Variants in SPEF2 observed in about 807,000 individuals in gnomAD.
SPEF2 encodes sperm flagella and cilia-associated protein 2.
A neutral mutation model predicts 224.6 loss-of-function variants in SPEF2; 187 were observed. The observed-to-expected ratio is 0.83, with a 90% CI of 0.74 to 0.94. The LOEUF is 0.94. Ranked by LOEUF, SPEF2 falls within the 40% of genes least tolerant of loss-of-function variation. The pLI is 0.00. For synonymous variants in SPEF2, 715 were observed against 707.3 expected, an observed-to-expected ratio of 1.01 and a Z score of -0.17; for missense variants, 2,170 against 2,135.6, an observed-to-expected ratio of 1.02 and a Z score of -0.32.
In SPEF2 at chr5:35,777,721, G is replaced by A. The variant is rs572713332; in HGVS notation, c.4217+1326G>A. On this transcript the variant is annotated intron_variant, in intron 29 of 36. Coordinates refer to ENST00000356031, the MANE Select transcript of SPEF2 (RefSeq NM_024867.4). ...TAAATAAATAAATAAATAGCTGGCAGATCCCTTTGACCTTCAAATCCTGTT... is the reference window on the plus strand; with the variant it reads ...TAAATAAATAAATAAATAGCTGGCAAATCCCTTTGACCTTCAAATCCTGTT... 2.8e-5 allele frequency among the ~76,000 whole-genome samples: 4 copies of A among 144,208 alleles called. No individual in the cohort carries two copies. In the East Asian group the frequency reaches 8.5e-4, roughly 31 times the overall value. 94.6% of individuals were successfully genotyped at this position (144,208 alleles called of 152,430 possible).
At chr5:35,714,433 C>T (rs7727052) in intron 20 of SPEF2, among the ~76,000 whole-genome samples, 113,777 of 151,338 alleles carry the variant, frequency 0.75, 43,124 homozygotes, top group Middle Eastern at 0.83. Context: ...GTCCCTTTTA[C>T]GGTATTTGGA....
rs574706532 is a variant in SPEF2, at chr5:35,768,800, T to G, written c.3802-2809T>G. 2.0e-5 allele frequency among the ~76,000 whole-genome samples: 3 copies of G among 152,250 alleles called. No individual in the cohort carries two copies. The South Asian group carries it at 6.2e-4, about 32-fold the overall frequency. On this transcript the variant is annotated intron_variant, in intron 26 of 36. Transcript: ENST00000356031. ...AACTTTGAATTTCTAATGAAACAGG[T>G]GTGATTCACTAAATTGTTGTGGGGC...
intron 6 of SPEF2, among the ~76,000 whole-genome samples, chr5:35,651,964 G>A (rs921074038): frequency 6.6e-6 from 1 of 152,068 alleles, no homozygotes; most frequent in Non-Finnish European, 1.5e-5. Flanking sequence ...CTTTAGCTGG[G>A]GTTATTGGCT....
Position 35,806,970 on chromosome 5 carries a change from G to GA in SPEF2, c.5256+24dup, listed in dbSNP as rs780058129. On this transcript the variant is annotated intron_variant, in intron 35 of 36. Coordinates refer to ENST00000356031, the MANE Select transcript of SPEF2 (RefSeq NM_024867.4). The stretch of plus-strand genomic sequence containing the variant: ...ATGCAGAGGTTGGTTAAATTATTTT[G>GA]AAAAAAGTTGGCCTCAATTCTGAGC... 20 of 1,580,476 alleles carry GA rather than the reference G, an allele frequency of 1.3e-5. No individual in the cohort carries two copies. The highest frequency in any genetic ancestry group is 1.7e-5 in the Non-Finnish European group (20 of 1,166,718).
chr5:35,738,238 T>G (rs939281368), intron 21 of SPEF2, among the ~76,000 whole-genome samples: 2 of 152,162 alleles, frequency 1.3e-5, no homozygotes, highest in African/African-American at 4.8e-5. Context: ...ATTGTCAATT[T>G]TGGCTTTTGT....
At position 35,793,109 on chromosome 5, in the gene SPEF2, C is replaced by T. The variant is rs769389613; in HGVS notation, c.4555-50C>T. The stretch of plus-strand genomic sequence containing the variant: ...ATGAAAATATGAGCAAGTAGAGCAT[C>T]AAGATAGATTCATGTAGATATTCCA... On this transcript the variant is annotated intron_variant, in intron 31 of 36. Transcript: ENST00000356031. The T allele has an allele frequency of 3.3e-6, 5 of 1,527,608 alleles. No individual in the cohort carries two copies. In the Admixed American group the frequency reaches 5.4e-5, roughly 16 times the overall value. 94.6% of individuals were successfully genotyped at this position (1,527,608 alleles called of 1,614,324 possible). A position where few individuals can be genotyped will look rare whatever the true frequency, so the allele number is the denominator to read the frequency against.
At chr5:35,771,055 G>A (rs1446036400) in intron 26 of SPEF2, among the ~76,000 whole-genome samples, 1 of 152,070 alleles carries the variant, frequency 6.6e-6, no homozygotes, top group Non-Finnish European at 1.5e-5. Flanking sequence ...ATTGGCTGTT[G>A]CCGAGGGTGA....
chr5:35,736,752 G>A (rs892772169), intron 21 of SPEF2, among the ~76,000 whole-genome samples: 5 of 152,178 alleles, frequency 3.3e-5, no homozygotes, highest in African/African-American at 9.7e-5. Flanking sequence ...TTGATGAGGG[G>A]AATGAGCAGG....
chr5:35,709,127 T>C lies in SPEF2; in HGVS notation c.2839+6T>C. 6.2e-7 allele frequency: 1 copy of C among 1,607,978 alleles called. No homozygotes were observed. Among genetic ancestry groups the C allele is most frequent in the Non-Finnish European group, 8.5e-7 (1 of 1,178,782 alleles). On this transcript the variant is annotated splice_donor_region_variant and intron_variant, in intron 19 of 36. Transcript: ENST00000356031. Reference sequence around the variant, plus strand: ...AAAAGGAAAACCTCAATCAGGTGATTGACAGAATGATTTATAATCCTGTTT... The same window carrying C: ...AAAAGGAAAACCTCAATCAGGTGATCGACAGAATGATTTATAATCCTGTTT...
chr5:35,768,061 A>T (rs1380990903), intron 26 of SPEF2, among the ~76,000 whole-genome samples: 1 of 151,468 alleles, frequency 6.6e-6, no homozygotes, highest in Admixed American at 6.6e-5. Flanking sequence ...TTGTTTTGTA[A>T]TCTGTATTTT....
chr5:35,636,912 G>T (rs2031125316), intron 2 of SPEF2, among the ~76,000 whole-genome samples: 1 of 150,678 alleles, frequency 6.6e-6, no homozygotes, highest in South Asian at 2.1e-4. Context: ...GGAGATGGAG[G>T]TTGCAATGAG....
At chr5:35,774,947 G>C (rs545372930) in intron 28 of SPEF2, among the ~76,000 whole-genome samples, 2 of 152,228 alleles carry the variant, frequency 1.3e-5, no homozygotes, top group East Asian at 3.9e-4. Context: ...GATTTCAGTG[G>C]TTTTCAGTAT....
chr5:35,748,430 A>G (rs1303020245), intron 23 of SPEF2, among the ~76,000 whole-genome samples: 2 of 152,184 alleles, frequency 1.3e-5, no homozygotes, highest in African/African-American at 2.4e-5. Flanking sequence ...CATTCGCAAG[A>G]TTAACCAAGA....
intron 16 of SPEF2, among the ~76,000 whole-genome samples, chr5:35,702,909 G>T (rs1040338358): frequency 6.6e-6 from 1 of 152,056 alleles, no homozygotes; most frequent in African/African-American, 2.4e-5. Context: ...GGACTGAAAT[G>T]TGTCCTTTGG....
intron 1 of SPEF2, among the ~76,000 whole-genome samples, chr5:35,619,624 C>T (rs1005934908): frequency 6.6e-6 from 1 of 152,060 alleles, no homozygotes; most frequent in Non-Finnish European, 1.5e-5. Flanking sequence ...TTGCAGTGAG[C>T]CGAGATCGCG....
At chr5:35,681,268 C>G (rs1480141410) in intron 10 of SPEF2, among the ~76,000 whole-genome samples, 3 of 152,132 alleles carry the variant, frequency 2.0e-5, no homozygotes, top group Non-Finnish European at 2.9e-5. Context: ...AAATAAGTAA[C>G]TGATAACTAA....
At position 35,646,821 on chromosome 5, in the gene SPEF2, C is replaced by T. The variant is rs1279850318; in HGVS notation, c.726+14C>T. The T allele has an allele frequency of 3.1e-6, 5 of 1,612,806 alleles. No homozygotes were observed. The highest frequency in any genetic ancestry group is 1.7e-5 in the Admixed American group (1 of 59,880). ...AAAGAGGCAGAAGTAAGTGATAATC[C>T]TTTAATATTGTGCTGTGTTTATCTT... is the stretch of plus-strand genomic sequence containing the variant. On this transcript the variant is annotated intron_variant, in intron 5 of 36. Coordinates refer to ENST00000356031, the MANE Select transcript of SPEF2 (RefSeq NM_024867.4).
chr5:35,771,541 CT>C, intron 26 of SPEF2, 67 bp from the exon 27 acceptor site: 1 of 1,547,496 alleles, frequency 6.5e-7, no homozygotes, highest in Non-Finnish European at 8.7e-7. Context: ...TTAGTAATGA[CT>C]ACATCCAAAT....
chr5:35,740,416 A>G, intron 23 of SPEF2, 149 bp downstream of exon 23: 1 of 1,057,758 alleles, frequency 9.5e-7, no homozygotes, highest in Non-Finnish European at 1.4e-6. Flanking sequence ...TTTCAAGAGC[A>G]GTGGCTTTTC....
Sources: allele counts gnomAD v4.1 joint callset (sites outside exome capture counted in the v4.1 genomes callset), GRCh38; gene constraint gnomAD v4.1.1; transcripts MANE v1.5; gene names NCBI Gene and HGNC (gene_info 2026-07-23, HGNC 2026-07-21).